The following SNTG2 variants were observed in gnomAD, a reference collection of about 807,000 sequenced individuals.
The protein encoded by SNTG2 is gamma-2-syntrophin.
SNTG2 carries 74 observed loss-of-function variants against 70.9 expected under a neutral mutation model. That is an observed-to-expected ratio of 1.04 (90% CI 0.86 to 1.27). The LOEUF (loss-of-function observed/expected upper bound fraction) is 1.27, where lower values mean the gene tolerates loss of function less well. SNTG2 is among the 50% of genes most tolerant of loss of function. SNTG2 has a pLI of 0.00. For synonymous variants in SNTG2, 278 were observed against 273.8 expected (o/e 1.02, Z -0.15); for missense variants, 717 against 690.7 (o/e 1.04, Z -0.43).
chr2:1,132,246 TAC>T lies in SNTG2; in HGVS notation c.326-5360_326-5359del, dbSNP rs777211543. 7.5e-3 allele frequency among the ~76,000 whole-genome samples: 1,135 copies of T among 151,100 alleles called. 7 individuals carry two copies. The highest frequency in any genetic ancestry group is 0.011 in the African/African-American group (447 of 41,158). ...GTGTATATATGTGTGTGTATATATATACACACACACACACACATACATACACA... is the reference window on the plus strand; with the variant it reads ...GTGTATATATGTGTGTGTATATATATACACACACACACACATACATACACA... On this transcript the variant is annotated intron_variant, in intron 4 of 16. Coordinates refer to ENST00000308624, the MANE Select transcript of SNTG2 (RefSeq NM_018968.4).
intron 1 of SNTG2, among the ~76,000 whole-genome samples, chr2:1,011,117 A>G (rs1196113622): frequency 6.6e-6 from 1 of 152,238 alleles, no homozygotes; most frequent in African/African-American, 2.4e-5. Context: ...TTATAAAAAC[A>G]TGATCAGCAA....
chr2:951,013 C>T lies in SNTG2; in HGVS notation c.17C>T (p.Pro6Leu), dbSNP rs1173987722. The T allele has an allele frequency of 1.6e-6, 2 of 1,262,866 alleles. No individual in the cohort carries two copies. Among genetic ancestry groups the T allele is most frequent in the African/African-American group, 1.5e-5 (1 of 64,606 alleles). 78.2% of individuals were successfully genotyped at this position (1,262,866 alleles called of 1,614,324 possible). The stretch of plus-strand genomic sequence containing the variant: ...GGGGCGGCGATGGGCACCGAGGGAC[C>T]CCCGCCCCCGGCCGCCTCCCGCGGA... The part of the protein sequence containing the change: MGTEG[P>L]PPPAASRGRQ... Residue 6 changes from proline (P) to leucine (L), a missense_variant, in exon 1 of 17, where the codon CCC (proline) becomes CTC (leucine). Coordinates refer to ENST00000308624, the MANE Select transcript of SNTG2 (RefSeq NM_018968.4).
intron 4 of SNTG2, among the ~76,000 whole-genome samples, chr2:1,102,923 G>C (rs1247058796): frequency 6.6e-6 from 1 of 152,232 alleles, no homozygotes. Flanking sequence ...AGTGGCTCGT[G>C]AGCCTCTGAA....
chr2:1,328,356 T>C (rs1324161623), intron 16 of SNTG2, among the ~76,000 whole-genome samples: 1 of 152,152 alleles, frequency 6.6e-6, no homozygotes, highest in Non-Finnish European at 1.5e-5. Flanking sequence ...TGTATCTAAA[T>C]GTTTAAAAAT....
chr2:1,115,020 G>T (rs1164440321), intron 4 of SNTG2, among the ~76,000 whole-genome samples: 4 of 151,994 alleles, frequency 2.6e-5, no homozygotes, highest in Non-Finnish European at 5.9e-5. Context: ...AGGATCGTGT[G>T]TACTAAGTGA....
At chr2:1,287,577 C>T (rs1369508451) in intron 14 of SNTG2, among the ~76,000 whole-genome samples, 3 of 152,208 alleles carry the variant, frequency 2.0e-5, no homozygotes, top group African/African-American at 7.2e-5. Context: ...GCAGGGGGCC[C>T]GGAGTGCTCC....
intron 1 of SNTG2, among the ~76,000 whole-genome samples, chr2:1,040,500 T>C (rs1183073205): frequency 1.3e-5 from 2 of 152,244 alleles, no homozygotes; most frequent in Non-Finnish European, 2.9e-5. Flanking sequence ...AGGCTCTGAC[T>C]TCCTCTGGCC....
intron 1 of SNTG2, among the ~76,000 whole-genome samples, chr2:983,366 G>A (rs1014371925): frequency 3.3e-5 from 5 of 152,054 alleles, no homozygotes; most frequent in Non-Finnish European, 7.4e-5. Context: ...TGCAGAGGTG[G>A]AGGTCGGGAT....
At chr2:1,244,318 C>T (rs1213759721) in intron 11 of SNTG2, among the ~76,000 whole-genome samples, 2 of 152,162 alleles carry the variant, frequency 1.3e-5, no homozygotes, top group Non-Finnish European at 2.9e-5. Context: ...CTCTTACTAA[C>T]TTTGTGATTT....
chr2:1,087,684 G>A (rs1012787090), intron 2 of SNTG2, among the ~76,000 whole-genome samples: 2 of 152,206 alleles, frequency 1.3e-5, no homozygotes, highest in East Asian at 1.9e-4. Flanking sequence ...ATAACGTATG[G>A]TAATGTACTA....
intron 4 of SNTG2, among the ~76,000 whole-genome samples, chr2:1,100,604 G>A (rs564213355): frequency 5.3e-5 from 8 of 152,298 alleles, no homozygotes; most frequent in Non-Finnish European, 8.8e-5. Flanking sequence ...CCACACGGGC[G>A]CCGTGGGTCC....
chr2:1,253,300 C>T (rs1287225604), intron 12 of SNTG2, among the ~76,000 whole-genome samples: 1 of 152,006 alleles, frequency 6.6e-6, no homozygotes, highest in Admixed American at 6.5e-5. Flanking sequence ...AAGCCGAGGT[C>T]TCTCTTCCAT....
At chr2:1,165,013 G>A (rs990187219) in intron 6 of SNTG2, among the ~76,000 whole-genome samples, 6 of 152,222 alleles carry the variant, frequency 3.9e-5, no homozygotes, top group African/African-American at 9.7e-5. Context: ...GTGTTGAAAC[G>A]TAGGGGATTG....
chr2:1,176,191 C>T (rs925170592), intron 8 of SNTG2, among the ~76,000 whole-genome samples: 2 of 152,186 alleles, frequency 1.3e-5, no homozygotes, highest in African/African-American at 4.8e-5. Context: ...AATAAAGCAT[C>T]ATCAGGTTAT....
chr2:1,304,654 A>C (rs969416444), intron 14 of SNTG2, among the ~76,000 whole-genome samples: 2 of 150,750 alleles, frequency 1.3e-5, no homozygotes, highest in Non-Finnish European at 1.5e-5. Context: ...TGAACCCAGG[A>C]GGTGGAGGTT....
chr2:1,290,270 A>C (rs1401501851), intron 14 of SNTG2, among the ~76,000 whole-genome samples: 3 of 151,750 alleles, frequency 2.0e-5, no homozygotes, highest in Non-Finnish European at 4.4e-5. Context: ...CTGTCTTCAC[A>C]TGGTGGAGAG....
intron 1 of SNTG2, among the ~76,000 whole-genome samples, chr2:1,079,831 A>C (rs1664165334): frequency 6.6e-6 from 1 of 152,224 alleles, no homozygotes; most frequent in African/African-American, 2.4e-5. Flanking sequence ...ACTTTACATC[A>C]AGATATAACA....
chr2:1,211,890 A>G (rs2148000178), intron 9 of SNTG2, among the ~76,000 whole-genome samples: 1 of 152,328 alleles, frequency 6.6e-6, no homozygotes, highest in Middle Eastern at 3.4e-3. Flanking sequence ...TGGCAGCTTG[A>G]GAACATGTAG....
At chr2:1,225,859 C>T (rs760154873) in intron 9 of SNTG2, among the ~76,000 whole-genome samples, 24 of 152,290 alleles carry the variant, frequency 1.6e-4, no homozygotes, top group East Asian at 5.8e-4. Context: ...GTGCAGCCCA[C>T]GGTGTGTGCA....
Sources: gnomAD v4.1 joint callset for allele counts (sites outside exome capture counted in the v4.1 genomes callset) on GRCh38, gnomAD v4.1.1 for gene constraint, MANE v1.5 for transcripts, NCBI Gene and HGNC (gene_info 2026-07-23, HGNC 2026-07-21) for gene names.